The following MYO3B variants were observed in gnomAD, a reference collection of about 807,000 sequenced individuals.
MYO3B encodes myosin IIIB, also known as myosin-IIIb.
In MYO3B, 156 loss-of-function variants were observed where a neutral mutation model predicts 174.6. The ratio of observed to expected loss-of-function variants is 0.89; its 90% CI spans 0.78 to 1.02. The LOEUF is 1.02. Among genes scored for constraint, MYO3B ranks in the 50% least tolerant of loss-of-function variants. The pLI is 0.00. For missense variants in MYO3B, 1,632 were observed against 1,639.4 expected (o/e 1.00, Z 0.08); for synonymous variants, 563 against 569.1 (o/e 0.99, Z 0.15).
At chr2:170,546,223 C>T (rs724806) in intron 32 of MYO3B, among the ~76,000 whole-genome samples, 85,643 of 151,982 alleles carry the variant, frequency 0.56, 26,339 homozygotes, top group Non-Finnish European at 0.71. Flanking sequence ...TTATCACATC[C>T]TGCTTTGTGT....
At chr2:170,470,040 T>C (rs1684882649) in intron 25 of MYO3B, among the ~76,000 whole-genome samples, 1 of 140,688 alleles carries the variant, frequency 7.1e-6, no homozygotes, top group Non-Finnish European at 1.5e-5. Flanking sequence ...AGGTGAAGGT[T>C]GTAGTGAGCC....
At chr2:170,374,943 A>G (rs1047566413) in intron 9 of MYO3B, among the ~76,000 whole-genome samples, 7 of 152,154 alleles carry the variant, frequency 4.6e-5, no homozygotes, top group Admixed American at 4.6e-4. Flanking sequence ...GTAAATTATA[A>G]TTGTGCCAAT....
At chr2:170,428,513 G>A (rs185119270) in intron 22 of MYO3B, among the ~76,000 whole-genome samples, 162 of 152,200 alleles carry the variant, frequency 1.1e-3, no homozygotes, top group Non-Finnish European at 2.1e-3. Context: ...TTGCACTTAC[G>A]TGTTTCCTTG....
intron 33 of MYO3B, 151 bp from the exon 34 acceptor site, chr2:170,651,957 C>A: frequency 1.2e-6 from 1 of 819,040 alleles, no homozygotes; most frequent in Non-Finnish European, 1.9e-6. Context: ...CATGCTTCAT[C>A]AGGCTCACTT....
intron 32 of MYO3B, among the ~76,000 whole-genome samples, chr2:170,612,368 C>T (rs114270909): frequency 6.6e-6 from 1 of 152,222 alleles, no homozygotes; most frequent in Non-Finnish European, 1.5e-5. Context: ...CAGGGCTAGT[C>T]ATTGTGCCCT....
At chr2:170,232,662 C>T (rs778666233) in intron 6 of MYO3B, among the ~76,000 whole-genome samples, 1 of 152,224 alleles carries the variant, frequency 6.6e-6, no homozygotes, top group Non-Finnish European at 1.5e-5. Context: ...AGCTGTTTAA[C>T]CATGCTATCC....
At chr2:170,247,340 G>A (rs1574650472) in intron 7 of MYO3B, among the ~76,000 whole-genome samples, 1 of 152,126 alleles carries the variant, frequency 6.6e-6, no homozygotes, top group Non-Finnish European at 1.5e-5. Context: ...CAAGGGTCAA[G>A]CACCTGTGGA....
intron 25 of MYO3B, among the ~76,000 whole-genome samples, chr2:170,479,976 T>G (rs867983515): frequency 5.4e-5 from 8 of 148,788 alleles, no homozygotes; most frequent in Middle Eastern, 3.6e-3. Flanking sequence ...TGTATATGTA[T>G]ATATATTAAA....
At chr2:170,497,901 C>T (rs931902869) in intron 25 of MYO3B, among the ~76,000 whole-genome samples, 3 of 139,464 alleles carry the variant, frequency 2.2e-5, no homozygotes, top group Non-Finnish European at 3.0e-5. Flanking sequence ...GCCGAGATGG[C>T]GCCACTGGAC....
chr2:170,403,488 T>C (rs1020926849), intron 19 of MYO3B, among the ~76,000 whole-genome samples: 1 of 152,156 alleles, frequency 6.6e-6, no homozygotes, highest in African/African-American at 2.4e-5. Context: ...ATGAGTTTAA[T>C]AATAAATAAG....
chr2:170,410,582 C>CAAA (rs2094539395), intron 22 of MYO3B, among the ~76,000 whole-genome samples: 1 of 35,440 alleles, frequency 2.8e-5, no homozygotes, highest in African/African-American at 1.0e-4. Context: ...TCCGTCTCAA[C>CAAA]AAAAAAAAAG....
chr2:170,255,974 T>G (rs1374339027), intron 7 of MYO3B, among the ~76,000 whole-genome samples: 1 of 152,070 alleles, frequency 6.6e-6, no homozygotes, highest in East Asian at 1.9e-4. Context: ...AATTGAAAAA[T>G]TCACTACAGG....
At chr2:170,628,381 C>G (rs1696646924) in intron 32 of MYO3B, among the ~76,000 whole-genome samples, 1 of 152,208 alleles carries the variant, frequency 6.6e-6, no homozygotes, top group Non-Finnish European at 1.5e-5. Context: ...GTGCTGTTTG[C>G]TAAGACCGTT....
intron 30 of MYO3B, among the ~76,000 whole-genome samples, chr2:170,534,089 C>T (rs1184513892): frequency 2.6e-5 from 4 of 152,172 alleles, no homozygotes; most frequent in African/African-American, 9.7e-5. Context: ...TTCCCTTTTG[C>T]TTCATTACAC....
intron 14 of MYO3B, among the ~76,000 whole-genome samples, chr2:170,388,565 G>T (rs1324301400): frequency 6.6e-6 from 1 of 152,156 alleles, no homozygotes; most frequent in Non-Finnish European, 1.5e-5. Context: ...GGAAGCCACT[G>T]AACGTTTTCA....
At chr2:170,325,087 C>T (rs1439309469) in intron 7 of MYO3B, among the ~76,000 whole-genome samples, 1 of 152,128 alleles carries the variant, frequency 6.6e-6, no homozygotes, top group Non-Finnish European at 1.5e-5. Flanking sequence ...TTCTTGGGTA[C>T]TCCATCTCAG....
At chr2:170,491,923 G>A (rs538238780) in intron 25 of MYO3B, among the ~76,000 whole-genome samples, 13 of 152,170 alleles carry the variant, frequency 8.5e-5, no homozygotes, top group Non-Finnish European at 1.5e-4. Context: ...GTGTGGTGGC[G>A]CATGCCTGCA....
intron 32 of MYO3B, among the ~76,000 whole-genome samples, chr2:170,619,021 C>T (rs891749472): frequency 1.6e-4 from 25 of 152,286 alleles, no homozygotes; most frequent in South Asian, 4.1e-4. Context: ...AAACAATCCA[C>T]GGAAACAGGA....
At chr2:170,584,742 A>C (rs1693390767) in intron 32 of MYO3B, among the ~76,000 whole-genome samples, 1 of 152,258 alleles carries the variant, frequency 6.6e-6, no homozygotes, top group Non-Finnish European at 1.5e-5. Context: ...CAATAAGCTT[A>C]AGTTAAAAGG....
Sources: gnomAD v4.1 joint callset for allele counts (sites outside exome capture counted in the v4.1 genomes callset) on GRCh38, gnomAD v4.1.1 for gene constraint, MANE v1.5 for transcripts, NCBI Gene and HGNC (gene_info 2026-07-23, HGNC 2026-07-21) for gene names.